NUP93: variants seen among roughly 807,000 people sequenced by gnomAD.
The protein encoded by NUP93 is nucleoporin 93.
A neutral mutation model predicts 107.8 loss-of-function variants in NUP93; 55 were observed. The ratio of observed to expected loss-of-function variants is 0.51; its 90% CI spans 0.41 to 0.64. The LOEUF (loss-of-function observed/expected upper bound fraction) is 0.64, where lower values mean the gene tolerates loss of function less well. Ranked by LOEUF, NUP93 falls within the 30% of genes least tolerant of loss-of-function variation. The probability of loss-of-function intolerance (pLI) is 0.00; values close to 1 mark genes in which losing one functional copy is unlikely to be tolerated. For synonymous variants in NUP93, 390 were observed against 397.5 expected (o/e 0.98, Z 0.22); for missense variants, 937 against 1,044.7 (o/e 0.90, Z 1.42).
chr16:56,828,954 T>G, intron 8 of NUP93, 23 bp from the exon 9 acceptor site: 1 of 1,611,746 alleles, frequency 6.2e-7, no homozygotes, highest in South Asian at 1.1e-5. Context: ...TCTTCCCTGT[T>G]TTTTCCTTTA....
At chr16:56,740,099 A>G (rs1961694748) in intron 1 of NUP93, among the ~76,000 whole-genome samples, 1 of 126,676 alleles carries the variant, frequency 7.9e-6, no homozygotes, top group African/African-American at 3.2e-5. Flanking sequence ...TCCCTCCCGG[A>G]CGGGGCGGCT....
Position 56,823,764 on chromosome 16 carries a change from G to T in NUP93, c.712G>T (p.Ala238Ser). ...KQMTDVLLTP[A>S]TDALKNRSSV... ...AATGACAGACGTGTTGTTGACACCGGCAACGGATGCCCTGAAGAACCGCAG... is the reference window on the plus strand; with the variant it reads ...AATGACAGACGTGTTGTTGACACCGTCAACGGATGCCCTGAAGAACCGCAG... Residue 238 changes from alanine (A) to serine (S), a missense_variant, in exon 8 of 22, where the codon GCA becomes TCA. By Grantham distance (99) the Ala-to-Ser change is moderately conservative. Coordinates refer to ENST00000308159, the MANE Select transcript of NUP93 (RefSeq NM_014669.5). 2 of 1,614,190 alleles carry T rather than the reference G, an allele frequency of 1.2e-6. No individual in the cohort carries two copies. The highest frequency in any genetic ancestry group is 1.7e-6 in the Non-Finnish European group (2 of 1,180,018).
intron 10 of NUP93, 105 bp downstream of exon 10, chr16:56,830,790 CT>C: frequency 9.0e-7 from 1 of 1,105,228 alleles, no homozygotes; most frequent in Middle Eastern, 3.3e-4. Context: ...AAACAAGTTT[CT>C]GCTTGGGGGA....
At chr16:56,744,667 C>CTA (rs1372894572) in intron 1 of NUP93, among the ~76,000 whole-genome samples, 1 of 152,084 alleles carries the variant, frequency 6.6e-6, no homozygotes, top group African/African-American at 2.4e-5. Context: ...AAAATTCTTT[C>CTA]TATATATATC....
intron 4 of NUP93, among the ~76,000 whole-genome samples, chr16:56,801,231 G>A (rs902639086): frequency 9.9e-5 from 15 of 152,018 alleles, no homozygotes; most frequent in African/African-American, 3.6e-4. Context: ...CCTCTAGTTA[G>A]CATTCTTCTT....
chr16:56,750,470 A>T (rs543106857), intron 2 of NUP93, among the ~76,000 whole-genome samples: 1 of 152,392 alleles, frequency 6.6e-6, no homozygotes, highest in African/African-American at 2.4e-5. Flanking sequence ...GTTATGTGCC[A>T]AATTTATTTA....
intron 5 of NUP93, among the ~76,000 whole-genome samples, chr16:56,810,940 T>G (rs554038287): frequency 6.6e-6 from 1 of 152,378 alleles, no homozygotes; most frequent in African/African-American, 2.4e-5. Flanking sequence ...TTATGTAACC[T>G]TTTGTATATT....
intron 2 of NUP93, among the ~76,000 whole-genome samples, chr16:56,750,471 AATTT>A (rs1961898292): frequency 3.3e-5 from 5 of 152,356 alleles, no homozygotes; most frequent in South Asian, 2.1e-4. Flanking sequence ...TTATGTGCCA[AATTT>A]ATTTATTTGT....
intron 5 of NUP93, among the ~76,000 whole-genome samples, chr16:56,816,720 G>C (rs565946470): frequency 3.2e-4 from 48 of 152,108 alleles, no homozygotes; most frequent in Non-Finnish European, 7.3e-5. Context: ...CTGGAAAAGG[G>C]TATATTCAGT....
intron 3 of NUP93, among the ~76,000 whole-genome samples, chr16:56,765,013 C>T (rs554244287): frequency 6.6e-6 from 1 of 152,288 alleles, no homozygotes; most frequent in Admixed American, 6.5e-5. Flanking sequence ...CATCTGTTTG[C>T]CTACTGATAA....
At chr16:56,836,368 G>C (rs1963910857) in intron 16 of NUP93, among the ~76,000 whole-genome samples, 5 of 152,140 alleles carry the variant, frequency 3.3e-5, no homozygotes, top group African/African-American at 7.2e-5. Flanking sequence ...ACTCCTCTGT[G>C]CTTCTAGTAA....
In NUP93 at chr16:56,804,228, C is replaced by T. The variant is rs1019353839; in HGVS notation, c.361-1276C>T. ...GCAGTTCCACTTCTGAGTATATACC[C>T]AGAAGAATTGAAAGCAGGGATATTT... On this transcript the variant is annotated intron_variant, in intron 4 of 21. Transcript: ENST00000308159. Among the ~76,000 whole-genome samples, 5 of 152,038 alleles carry T rather than the reference C, an allele frequency of 3.3e-5. No individual in the cohort carries two copies. In the East Asian group the frequency reaches 7.7e-4, roughly 23 times the overall value.
intron 2 of NUP93, among the ~76,000 whole-genome samples, chr16:56,754,251 C>A (rs1282474415): frequency 1.3e-5 from 2 of 152,114 alleles, no homozygotes; most frequent in Non-Finnish European, 2.9e-5. Context: ...GTGCCCCCTC[C>A]AATGTTGAGG....
chr16:56,818,865 A>G (rs1963488701), intron 6 of NUP93, 127 bp downstream of exon 6: 2 of 725,208 alleles, frequency 2.8e-6, no homozygotes, highest in Non-Finnish European at 2.3e-6. Context: ...TTAGAGAACT[A>G]GTTAATATTT....
At chr16:56,754,975 A>T (rs1596772648) in intron 2 of NUP93, among the ~76,000 whole-genome samples, 1 of 152,222 alleles carries the variant, frequency 6.6e-6, no homozygotes, top group Non-Finnish European at 1.5e-5. Context: ...TGTAATCAAA[A>T]AGATAGTAAC....
intron 5 of NUP93, 138 bp from the exon 6 acceptor site, chr16:56,818,526 C>T (rs1963480283): frequency 7.6e-6 from 5 of 655,168 alleles, no homozygotes; most frequent in South Asian, 6.1e-5. Flanking sequence ...CTAAAATCAT[C>T]ACTTTGAGGA....
chr16:56,824,248 G>C (rs1963611358), intron 8 of NUP93, among the ~76,000 whole-genome samples: 1 of 152,032 alleles, frequency 6.6e-6, no homozygotes, highest in Non-Finnish European at 1.5e-5. Context: ...TCAAACCCTA[G>C]GAAAACTCGT....
At chr16:56,831,667 A>G (rs759544165) in intron 10 of NUP93, 175 bp from the exon 11 acceptor site, 7 of 605,190 alleles carry the variant, frequency 1.2e-5, no homozygotes, top group Non-Finnish European at 2.0e-5. Flanking sequence ...GGTAGTTGCA[A>G]GTCAGGTTAA....
chr16:56,800,416 C>T (rs1280226872), intron 4 of NUP93, among the ~76,000 whole-genome samples: 5 of 152,230 alleles, frequency 3.3e-5, no homozygotes, highest in East Asian at 1.9e-4. Context: ...CCATTTACCC[C>T]GCAGAATGTG....
Sources: gnomAD v4.1 joint callset for allele counts (sites outside exome capture counted in the v4.1 genomes callset) on GRCh38, gnomAD v4.1.1 for gene constraint, MANE v1.5 for transcripts, NCBI Gene and HGNC (gene_info 2026-07-23, HGNC 2026-07-21) for gene names.